PTPRD: variants seen among roughly 807,000 people sequenced by gnomAD.
The protein encoded by PTPRD is protein tyrosine phosphatase receptor type D.
Under a neutral mutation model 214.5 loss-of-function variants are expected in PTPRD, and 34 were observed. That is an observed-to-expected ratio of 0.16 (90% CI 0.12 to 0.21). PTPRD has a LOEUF of 0.21. Among genes scored for constraint, PTPRD ranks in the 10% least tolerant of loss-of-function variants. The pLI is 1.00. For missense variants in PTPRD, 2,545 were observed against 2,398.7 expected (o/e 1.06, Z -1.27); for synonymous variants, 1,128 against 845.7 (o/e 1.33, Z -5.79).
At chr9:9,826,604 G>T (rs758247429) in intron 5 of PTPRD, among the ~76,000 whole-genome samples, 2 of 151,904 alleles carry the variant, frequency 1.3e-5, no homozygotes, top group African/African-American at 4.8e-5. Context: ...TACATATTCT[G>T]CTATTTGGTA....
intron 11 of PTPRD, chr9:8,860,953 A>G (rs539409432): frequency 1.3e-5 from 2 of 152,348 alleles, no homozygotes; most frequent in East Asian, 3.9e-4. Flanking sequence ...TGAGCAATAC[A>G]TATAGAATAT....
chr9:9,553,836 C>T (rs991796673), intron 8 of PTPRD, among the ~76,000 whole-genome samples: 15 of 152,152 alleles, frequency 9.9e-5, no homozygotes, highest in African/African-American at 3.6e-4. Context: ...ATAATGCTTA[C>T]ACATTCTCAC....
chr9:9,800,693 T>A (rs2099033708), intron 5 of PTPRD: 1 of 152,216 alleles, frequency 6.6e-6, no homozygotes, highest in African/African-American at 2.4e-5. Context: ...CTGATAAATG[T>A]ATTTTGACTG....
At position 9,313,434 on chromosome 9, in the gene PTPRD, A is replaced by G. The variant is rs369615454; in HGVS notation, c.-203+84015T>C. Among the ~76,000 whole-genome samples the G allele has an allele frequency of 2.4e-4, 37 of 152,284 alleles. No homozygotes were observed. The South Asian group carries it at 7.7e-3, about 32-fold the overall frequency. ...ACCTGGAAATAAAGAATTAGCGTAA[A>G]TAAGTGTCAGATACAGAACAAGAAA... On this transcript the variant is annotated intron_variant, in intron 9 of 45. Coordinates refer to ENST00000381196, the MANE Select transcript of PTPRD (RefSeq NM_002839.4).
intron 7 of PTPRD, among the ~76,000 whole-genome samples, chr9:9,581,056 T>C (rs1249778046): frequency 6.6e-6 from 1 of 152,136 alleles, no homozygotes; most frequent in Non-Finnish European, 1.5e-5. Flanking sequence ...TTAGTCAATT[T>C]AGAAAGAAAC....
intron 2 of PTPRD, among the ~76,000 whole-genome samples, chr9:10,348,801 C>A (rs1178969558): frequency 6.6e-6 from 1 of 152,128 alleles, no homozygotes. Flanking sequence ...CAGCTGGGAA[C>A]TTGGTCACGC....
chr9:9,875,551 C>A (rs770803799), intron 5 of PTPRD, among the ~76,000 whole-genome samples: 2 of 151,946 alleles, frequency 1.3e-5, no homozygotes, highest in Non-Finnish European at 2.9e-5. Flanking sequence ...AGATAACTAC[C>A]AGAATTATTG....
At chr9:8,613,021 T>C (rs2095502853) in intron 14 of PTPRD, among the ~76,000 whole-genome samples, 1 of 152,206 alleles carries the variant, frequency 6.6e-6, no homozygotes, top group South Asian at 2.1e-4. Context: ...AGTACTTTCA[T>C]GTGTTTATAT....
intron 9 of PTPRD, among the ~76,000 whole-genome samples, chr9:9,380,751 G>A (rs962199702): frequency 5.3e-5 from 8 of 152,056 alleles, no homozygotes; most frequent in Non-Finnish European, 4.4e-5. Flanking sequence ...TCTACCTGAC[G>A]TGTCTGACTA....
chr9:9,518,059 C>T (rs1488726557), intron 8 of PTPRD, among the ~76,000 whole-genome samples: 1 of 151,898 alleles, frequency 6.6e-6, no homozygotes, highest in Non-Finnish European at 1.5e-5. Flanking sequence ...AACATTGATA[C>T]TTTTATAGTT....
intron 2 of PTPRD, among the ~76,000 whole-genome samples, chr9:10,481,103 A>G (rs896402377): frequency 6.6e-6 from 1 of 152,034 alleles, no homozygotes; most frequent in African/African-American, 2.4e-5. Flanking sequence ...CTCAAGAAAA[A>G]AAAGGAGAGG....
chr9:9,639,559 C>A (rs2154364964), intron 7 of PTPRD, among the ~76,000 whole-genome samples: 1 of 152,218 alleles, frequency 6.6e-6, no homozygotes, highest in African/African-American at 2.4e-5. Flanking sequence ...TATTCTCTTG[C>A]CAGGTAGATA....
chr9:10,269,193 T>C (rs1300877286), intron 3 of PTPRD, among the ~76,000 whole-genome samples: 6 of 152,132 alleles, frequency 3.9e-5, no homozygotes, highest in Non-Finnish European at 7.3e-5. Flanking sequence ...AAAAAATGCA[T>C]TGTTTAAAAT....
chr9:9,399,759 C>T (rs762244865), intron 8 of PTPRD, among the ~76,000 whole-genome samples: 109 of 152,152 alleles, frequency 7.2e-4, no homozygotes, highest in Non-Finnish European at 1.4e-3. Flanking sequence ...CCATGCAAGA[C>T]ATGACTTTGC....
chr9:9,211,181 T>C (rs544506533), intron 9 of PTPRD, among the ~76,000 whole-genome samples: 1 of 152,204 alleles, frequency 6.6e-6, no homozygotes, highest in South Asian at 2.1e-4. Flanking sequence ...TCTCTTTTCA[T>C]ATTTACTTAT....
chr9:10,414,050 G>C (rs565638857), intron 2 of PTPRD, among the ~76,000 whole-genome samples: 92 of 152,084 alleles, frequency 6.0e-4, no homozygotes, highest in South Asian at 4.8e-3. Flanking sequence ...AATGGGCAAA[G>C]ATTTCATGAC....
intron 7 of PTPRD, among the ~76,000 whole-genome samples, chr9:9,657,303 G>A (rs978695770): frequency 2.0e-5 from 3 of 152,024 alleles, no homozygotes; most frequent in African/African-American, 7.2e-5. Context: ...TCCTTTGCAG[G>A]GACATGGATG....
intron 3 of PTPRD, among the ~76,000 whole-genome samples, chr9:10,068,804 CT>C (rs977415148): frequency 3.0e-4 from 45 of 152,002 alleles, no homozygotes; most frequent in African/African-American, 1.1e-3. Flanking sequence ...CAGAAATATA[CT>C]CTCCCTTTTT....
At chr9:10,012,631 C>T (rs141025729) in intron 4 of PTPRD, among the ~76,000 whole-genome samples, 4 of 151,950 alleles carry the variant, frequency 2.6e-5, no homozygotes, top group South Asian at 2.1e-4. Context: ...TATTTCGTTA[C>T]CCAAGACTAG....
Sources: gnomAD v4.1 joint callset for allele counts (sites outside exome capture counted in the v4.1 genomes callset) on GRCh38, gnomAD v4.1.1 for gene constraint, MANE v1.5 for transcripts, NCBI Gene and HGNC (gene_info 2026-07-23, HGNC 2026-07-21) for gene names.